The following DNAJC24 variants were observed in gnomAD, a reference collection of about 807,000 sequenced individuals.
DNAJC24 encodes dnaJ homolog subfamily C member 24.
Under a neutral mutation model 18.0 loss-of-function variants are expected in DNAJC24, and 17 were observed. The ratio of observed to expected loss-of-function variants is 0.94; its 90% CI spans 0.65 to 1.42. The LOEUF is 1.42. DNAJC24 is among the 40% of genes most tolerant of loss of function. The pLI, the probability that DNAJC24 is intolerant of heterozygous loss-of-function variation, is 0.00. For missense variants in DNAJC24, 158 were observed against 175.6 expected (o/e 0.90, Z 0.57); for synonymous variants, 55 against 57.7 (o/e 0.95, Z 0.21).
chr11:31,390,952 G>A (rs962408818), intron 2 of DNAJC24, among the ~76,000 whole-genome samples: 4 of 152,032 alleles, frequency 2.6e-5, no homozygotes, highest in South Asian at 2.1e-4. Flanking sequence ...GAGTATTGAC[G>A]TAAAAGTCCT....
At chr11:31,383,909 G>A (rs1591901964) in intron 2 of DNAJC24, among the ~76,000 whole-genome samples, 1 of 152,240 alleles carries the variant, frequency 6.6e-6, no homozygotes, top group East Asian at 1.9e-4. Context: ...TATAATGTAT[G>A]TAATTATCTT....
At chr11:31,409,743 A>G (rs774876258) in intron 2 of DNAJC24, among the ~76,000 whole-genome samples, 5 of 151,936 alleles carry the variant, frequency 3.3e-5, no homozygotes, top group Non-Finnish European at 5.9e-5. Flanking sequence ...TGGATGTGTG[A>G]TTTTCATTTT....
chr11:31,410,621 A>G (rs1257218482), intron 2 of DNAJC24, among the ~76,000 whole-genome samples: 5 of 152,212 alleles, frequency 3.3e-5, no homozygotes, highest in Non-Finnish European at 7.3e-5. Context: ...TAAGAGGCAA[A>G]GATATTCTCT....
chr11:31,383,804 C>T (rs1952401862), intron 2 of DNAJC24, among the ~76,000 whole-genome samples: 1 of 152,246 alleles, frequency 6.6e-6, no homozygotes, highest in African/African-American at 2.4e-5. Flanking sequence ...CCTAATGTAA[C>T]AGAATGTATC....
intron 2 of DNAJC24, among the ~76,000 whole-genome samples, chr11:31,409,698 A>G (rs1952688381): frequency 6.6e-6 from 1 of 152,152 alleles, no homozygotes; most frequent in African/African-American, 2.4e-5. Context: ...TGTTATGAAT[A>G]AGACTGTTAA....
At chr11:31,389,584 T>C (rs1952467551) in intron 2 of DNAJC24, among the ~76,000 whole-genome samples, 1 of 152,192 alleles carries the variant, frequency 6.6e-6, no homozygotes, top group Non-Finnish European at 1.5e-5. Flanking sequence ...CATCCCACTT[T>C]CATCATTGGA....
At chr11:31,377,670 T>G (rs1180864142) in intron 2 of DNAJC24, among the ~76,000 whole-genome samples, 1 of 152,114 alleles carries the variant, frequency 6.6e-6, no homozygotes, top group Non-Finnish European at 1.5e-5. Context: ...TCCTGTATTT[T>G]TTGCAGTTAT....
intron 2 of DNAJC24, among the ~76,000 whole-genome samples, chr11:31,404,725 C>G (rs1266432849): frequency 6.6e-6 from 1 of 151,960 alleles, no homozygotes; most frequent in Non-Finnish European, 1.5e-5. Context: ...TAAAAATGAC[C>G]CATAATAAGC....
At chr11:31,410,335 T>G (rs1464986466) in intron 2 of DNAJC24, among the ~76,000 whole-genome samples, 1 of 152,244 alleles carries the variant, frequency 6.6e-6, no homozygotes, top group African/African-American at 2.4e-5. Flanking sequence ...CAGTTTTCTT[T>G]GAAAAAGTAT....
intron 2 of DNAJC24, among the ~76,000 whole-genome samples, chr11:31,403,158 T>TGC (rs1476333916): frequency 6.6e-6 from 1 of 151,956 alleles, no homozygotes; most frequent in Non-Finnish European, 1.5e-5. Flanking sequence ...TGTGTGTGTG[T>TGC]GTATCATTCT....
chr11:31,426,418 A>G, intron 4 of DNAJC24, 63 bp downstream of exon 4: 1 of 922,646 alleles, frequency 1.1e-6, no homozygotes, highest in South Asian at 1.6e-5. Context: ...TAAGAAAAAA[A>G]AACTCATTGG....
rs1402215042 is a variant in DNAJC24, at chr11:31,404,381, G to A, written c.112-10430G>A. 3.3e-5 allele frequency among the ~76,000 whole-genome samples: 5 copies of A among 152,262 alleles called. No individual in the cohort carries two copies. The East Asian group carries it at 7.7e-4, about 24-fold the overall frequency. On this transcript the variant is annotated intron_variant, in intron 2 of 4. Coordinates refer to ENST00000465995, the MANE Select transcript of DNAJC24 (RefSeq NM_181706.5). The stretch of plus-strand genomic sequence containing the variant: ...ACTTCCTTGGCTATTATTTTAAGCT[G>A]TTATGACCTTTTGCTTACTGAGTTG...
chr11:31,418,592 TTG>T (rs1952773920), intron 3 of DNAJC24, among the ~76,000 whole-genome samples: 1 of 152,110 alleles, frequency 6.6e-6, no homozygotes. Context: ...AAAGAATAGA[TTG>T]TGTTTGGAAT....
rs77654641 is a variant in DNAJC24 at position 31,404,803 on chromosome 11, A to G, written c.112-10008A>G. The stretch of plus-strand genomic sequence containing the variant: ...CAGTGGTAATCTGTTTGGAATATGT[A>G]TCTACTGTAATGTCATGGAAATTCA... On this transcript the variant is annotated intron_variant, in intron 2 of 4. Coordinates refer to ENST00000465995, the MANE Select transcript of DNAJC24 (RefSeq NM_181706.5). 5.5e-3 allele frequency among the ~76,000 whole-genome samples: 838 copies of G among 152,132 alleles called. 5 individuals carry two copies. The highest frequency in any genetic ancestry group is 9.4e-3 in the Non-Finnish European group (642 of 67,972).
chr11:31,370,563 G>C (rs1364205982), intron 1 of DNAJC24, among the ~76,000 whole-genome samples, 153 bp from the exon 2 acceptor site: 1 of 151,846 alleles, frequency 6.6e-6, no homozygotes, highest in Non-Finnish European at 1.5e-5. Flanking sequence ...TGGAATTCTT[G>C]GGGCATTTTA....
chr11:31,386,780 A>G (rs941487046), intron 2 of DNAJC24, among the ~76,000 whole-genome samples: 3 of 152,310 alleles, frequency 2.0e-5, no homozygotes, highest in Non-Finnish European at 4.4e-5. Flanking sequence ...GGGGTAGAGC[A>G]CTAAGTGGGT....
intron 2 of DNAJC24, chr11:31,396,397 C>T (rs953538111): frequency 2.5e-5 from 10 of 398,474 alleles, no homozygotes; most frequent in African/African-American, 8.4e-5. Flanking sequence ...CTTTGGAGGT[C>T]GGTTAGCCCC....
chr11:31,416,598 T>TG (rs1952753290), intron 3 of DNAJC24: 1 of 152,154 alleles, frequency 6.6e-6, no homozygotes, highest in Non-Finnish European at 1.5e-5. Flanking sequence ...CTTTCAATGT[T>TG]GCTCTACATT....
chr11:31,412,435 G>A (rs936825203), intron 2 of DNAJC24, among the ~76,000 whole-genome samples: 1 of 152,084 alleles, frequency 6.6e-6, no homozygotes, highest in East Asian at 1.9e-4. Flanking sequence ...ATTTGAATAT[G>A]TTACATATAA....
Sources: allele counts gnomAD v4.1 joint callset (sites outside exome capture counted in the v4.1 genomes callset), GRCh38; gene constraint gnomAD v4.1.1; transcripts MANE v1.5; gene names NCBI Gene and HGNC (gene_info 2026-07-23, HGNC 2026-07-21).